The following DNAH11 variants were observed in gnomAD, a reference collection of about 807,000 sequenced individuals.
The protein encoded by DNAH11 is dynein axonemal heavy chain 11.
In DNAH11, 442 loss-of-function variants were observed where a neutral mutation model predicts 526.0. The observed-to-expected ratio is 0.84, with a 90% CI of 0.78 to 0.91. The LOEUF is 0.91. Among genes scored for constraint, DNAH11 ranks in the 40% least tolerant of loss-of-function variants. The pLI is 0.00. For synonymous variants in DNAH11, 2,461 were observed against 1,935.9 expected, an observed-to-expected ratio of 1.27 and a Z score of -7.12; for missense variants, 6,989 against 5,448.7, an observed-to-expected ratio of 1.28 and a Z score of -8.90.
chr7:21,698,352 G>C, intron 36 of DNAH11, 139 bp downstream of exon 36: 1 of 1,234,622 alleles, frequency 8.1e-7, no homozygotes, highest in Non-Finnish European at 1.1e-6. Context: ...CAATAGTTTG[G>C]GGGAACAGGT....
intron 40 of DNAH11, 55 bp from the exon 41 acceptor site, chr7:21,710,498 G>C: frequency 4.1e-6 from 6 of 1,467,062 alleles, no homozygotes; most frequent in Non-Finnish European, 5.5e-6. Context: ...CTTCCAAGAT[G>C]AATAATATCA....
intron 41 of DNAH11, among the ~76,000 whole-genome samples, chr7:21,711,165 G>C (rs1211058731): frequency 6.6e-6 from 1 of 152,172 alleles, no homozygotes; most frequent in African/African-American, 2.4e-5. Context: ...AAAAACAAAA[G>C]GTGACGGTAC....
In DNAH11 at chr7:21,856,965, C is replaced by G. The variant is rs73279843; in HGVS notation, c.11202+2510C>G. ...CTCAGCACATCTATTCAGCGCTGCA[C>G]TGGAAGTTATAGTCGGTACAGTAAG... On this transcript the variant is annotated intron_variant, in intron 68 of 81. Coordinates refer to ENST00000409508, the MANE Select transcript of DNAH11 (RefSeq NM_001277115.2). 7.2e-4 allele frequency among the ~76,000 whole-genome samples: 110 copies of G among 152,204 alleles called. 1 individual carries two copies. Among genetic ancestry groups the G allele is most frequent in the African/African-American group, 2.5e-3 (103 of 41,530 alleles).
At chr7:21,604,399 GATGAATA>G (rs1785206142) in intron 18 of DNAH11, among the ~76,000 whole-genome samples, 1 of 152,074 alleles carries the variant, frequency 6.6e-6, no homozygotes, top group Non-Finnish European at 1.5e-5. Flanking sequence ...TCTGAAACAA[GATGAATA>G]TTCTGATCTG....
intron 63 of DNAH11, among the ~76,000 whole-genome samples, chr7:21,815,549 A>G (rs1789742804): frequency 6.6e-6 from 1 of 152,162 alleles, no homozygotes; most frequent in African/African-American, 2.4e-5. Flanking sequence ...TAATGCTGAT[A>G]CAGCCTCCCC....
chr7:21,543,308 A>C lies in DNAH11; in HGVS notation c.63A>C (p.Leu21=). The stretch of plus-strand genomic sequence containing the variant: ...TCAGAGAAGCCCCGACCCTTCGCCT[A>C]ACCTCGGGGGCCGGCCTGGAGGCAG... ...RDFREAPTLR[L]TSGAGLEAVG... Residue 21 remains leucine (L), a synonymous_variant, in exon 1 of 82, where the codon CTA becomes CTC. Transcript: ENST00000409508. 1 of 1,549,548 alleles carries C rather than the reference A, an allele frequency of 6.5e-7. No homozygotes were observed. Among genetic ancestry groups the C allele is most frequent in the African/African-American group, 1.4e-5 (1 of 73,128 alleles).
rs755741112 is a variant in DNAH11, at chr7:21,871,043, G to A, written c.11967+2052G>A. On this transcript the variant is annotated intron_variant, in intron 73 of 81. Transcript: ENST00000409508. ...ATAATTTACATTAAATTACATTAAC[G>A]TGGGTATATGATATGTATGTACATG... Among the ~76,000 whole-genome samples, 5 of 152,164 alleles carry A rather than the reference G, an allele frequency of 3.3e-5. No individual in the cohort carries two copies. In the South Asian group the frequency reaches 6.2e-4, roughly 19 times the overall value.
intron 25 of DNAH11, among the ~76,000 whole-genome samples, chr7:21,627,255 G>A (rs139046130): frequency 3.3e-5 from 5 of 152,192 alleles, no homozygotes; most frequent in Non-Finnish European, 7.4e-5. Flanking sequence ...TTCTATTGCT[G>A]TGCAGAAGCA....
chr7:21,812,290 A>G lies in DNAH11; in HGVS notation c.10333-4177A>G, dbSNP rs79085503. Among the ~76,000 whole-genome samples the G allele has an allele frequency of 8.9e-3, 1,358 of 152,240 alleles. 17 individuals carry two copies. The highest frequency in any genetic ancestry group is 0.031 in the African/African-American group (1,284 of 41,546). The stretch of plus-strand genomic sequence containing the variant: ...TTAAAGGTGGCATTTTGACTTAAGG[A>G]TGGAAGAATCATGATTTGGGTTGAC... On this transcript the variant is annotated intron_variant, in intron 63 of 81. Coordinates refer to ENST00000409508, the MANE Select transcript of DNAH11 (RefSeq NM_001277115.2).
rs934300192 is a variant in DNAH11 at position 21,543,653 on chromosome 7, A to G, written c.351+57A>G. On this transcript the variant is annotated intron_variant, in intron 1 of 81. Coordinates refer to ENST00000409508, the MANE Select transcript of DNAH11 (RefSeq NM_001277115.2). ...TCCAACAAAACTACCCAGGGGAGAC[A>G]GCCCAGTCGCTCCCCTTTGGATTCC... 6.6e-6 allele frequency: 10 copies of G among 1,515,502 alleles called. No individual in the cohort carries two copies. The African/African-American group carries it at 1.4e-4, about 21-fold the overall frequency. 93.9% of individuals were successfully genotyped at this position (1,515,502 alleles called of 1,614,324 possible).
At chr7:21,791,370 A>C (rs1297128693) in intron 61 of DNAH11, among the ~76,000 whole-genome samples, 1 of 152,232 alleles carries the variant, frequency 6.6e-6, no homozygotes, top group African/African-American at 2.4e-5. Context: ...GGCTTTTAGC[A>C]GGAGTGACCT....
At chr7:21,817,988 G>C (rs767957974) in intron 64 of DNAH11, among the ~76,000 whole-genome samples, 1 of 152,028 alleles carries the variant, frequency 6.6e-6, no homozygotes, top group African/African-American at 2.4e-5. Context: ...AGATTTATTA[G>C]TTCAAACTAT....
chr7:21,753,417 TA>T (rs1450676756), intron 54 of DNAH11, among the ~76,000 whole-genome samples: 1 of 152,222 alleles, frequency 6.6e-6, no homozygotes, highest in Non-Finnish European at 1.5e-5. Context: ...GATTTTGGAA[TA>T]GTTTTAAAAA....
At chr7:21,765,610 T>C in intron 55 of DNAH11, 21 bp downstream of exon 55, 1 of 953,750 alleles carries the variant, frequency 1.0e-6, no homozygotes, top group Non-Finnish European at 1.5e-6. Context: ...TCAGCCTGCG[T>C]CACACACACA....
intron 35 of DNAH11, among the ~76,000 whole-genome samples, chr7:21,695,863 A>C (rs1481414607): frequency 1.3e-5 from 2 of 152,224 alleles, no homozygotes; most frequent in African/African-American, 4.8e-5. Context: ...TCTAATATCC[A>C]GAATCTACAA....
In DNAH11 at chr7:21,815,551, A is replaced by C. The variant is rs549646148; in HGVS notation, c.10333-916A>C. Among the ~76,000 whole-genome samples, 5 of 152,130 alleles carry C rather than the reference A, an allele frequency of 3.3e-5. No individual in the cohort carries two copies. In the South Asian group the frequency reaches 1.0e-3, roughly 32 times the overall value. ...TGAACCAAACTGTTAATGCTGATAC[A>C]GCCTCCCCTACCTACTACAGGTAGG... On this transcript the variant is annotated intron_variant, in intron 63 of 81. Transcript: ENST00000409508.
intron 2 of DNAH11, among the ~76,000 whole-genome samples, 159 bp downstream of exon 2, chr7:21,545,308 C>T (rs899713133): frequency 4.0e-5 from 5 of 124,514 alleles, no homozygotes; most frequent in Non-Finnish European, 8.1e-5. Context: ...CTTGTAGAAG[C>T]CAGGAGTCTC....
intron 61 of DNAH11, 75 bp from the exon 62 acceptor site, chr7:21,801,062 C>G: frequency 6.8e-7 from 1 of 1,475,756 alleles, no homozygotes. Context: ...CTTACAGTAA[C>G]AGATGTTTTA....
chr7:21,831,278 C>A (rs1234660170), intron 65 of DNAH11, among the ~76,000 whole-genome samples: 3 of 152,196 alleles, frequency 2.0e-5, no homozygotes, highest in Non-Finnish European at 4.4e-5. Context: ...TTCACAGAAA[C>A]AACAAAGTGA....
Sources: allele counts gnomAD v4.1 joint callset (sites outside exome capture counted in the v4.1 genomes callset), GRCh38; gene constraint gnomAD v4.1.1; transcripts MANE v1.5; gene names NCBI Gene and HGNC (gene_info 2026-07-23, HGNC 2026-07-21).